Variants in NKAIN1 observed in about 807,000 individuals in gnomAD.
NKAIN1 encodes the protein sodium/potassium transporting ATPase interacting 1, also known as sodium/potassium-transporting ATPase subunit beta-1-interacting protein 1.
Under a neutral mutation model 31.6 loss-of-function variants are expected in NKAIN1, and 13 were observed. The observed-to-expected ratio is 0.41, with a 90% CI of 0.27 to 0.65. NKAIN1 has a LOEUF of 0.65. NKAIN1 is among the 30% of genes least tolerant of loss of function. NKAIN1 has a pLI of 0.30. For missense variants in NKAIN1, 193 were observed against 262.2 expected, an observed-to-expected ratio of 0.74 and a Z score of 1.82; for synonymous variants, 104 against 109.0, an observed-to-expected ratio of 0.95 and a Z score of 0.28.
chr1:31,187,700 C>T (rs956425685), intron 2 of NKAIN1, among the ~76,000 whole-genome samples: 17 of 152,058 alleles, frequency 1.1e-4, no homozygotes, highest in African/African-American at 3.9e-4. Flanking sequence ...TCAGTTTCCT[C>T]ATCTGGAAAA....
chr1:31,230,209 C>G (rs189251756), intron 1 of NKAIN1, among the ~76,000 whole-genome samples: 5 of 152,160 alleles, frequency 3.3e-5, no homozygotes, highest in Admixed American at 6.5e-5. Context: ...GAGTGTACCC[C>G]CTTTGTGAGC....
In NKAIN1 at chr1:31,179,813, AAGGTCCC is replaced by A. The variant is rs1197803649; in HGVS notation, c.*1883_*1889del. 6.6e-6 allele frequency: 1 copy of A among 152,236 alleles called. No individual in the cohort carries two copies. 9.4% of individuals were successfully genotyped at this position (152,236 alleles called of 1,614,324 possible). On this transcript the variant is annotated 3_prime_UTR_variant, in exon 7 of 7. Coordinates refer to ENST00000373736, the MANE Select transcript of NKAIN1 (RefSeq NM_024522.3). ...ACCAGGAGAGCACTCCCCTCCTTGC[AAGGTCCC>A]AGTGAAAAGAGAACCTGGTCCCCTT...
In NKAIN1 at chr1:31,239,364, A is replaced by C; in HGVS notation, c.54+130T>G. 1 of 594,992 alleles carries C rather than the reference A, an allele frequency of 1.7e-6. No homozygotes were observed. The highest frequency in any genetic ancestry group is 3.6e-5 in the South Asian group (1 of 27,834). The allele number at this position is 594,992 out of a possible 1,614,324, so 36.9% of individuals were successfully genotyped here. A position where few individuals can be genotyped will look rare whatever the true frequency, so the allele number is the denominator to read the frequency against. Reference sequence around the variant, plus strand: ...CTCCGCCCGACCGCTCCGAGACTCCAGACCACCCCCCGCCCGGGCACACGC... The same window carrying C: ...CTCCGCCCGACCGCTCCGAGACTCCCGACCACCCCCCGCCCGGGCACACGC... On this transcript the variant is annotated intron_variant, in intron 1 of 6. Transcript: ENST00000373736. The surrounding 1 kb of genome is among the most constrained non-coding windows in gnomAD (Gnocchi z 4.8).
At chr1:31,200,538 G>A (rs1390396542) in intron 1 of NKAIN1, among the ~76,000 whole-genome samples, 6 of 146,686 alleles carry the variant, frequency 4.1e-5, no homozygotes, top group Non-Finnish European at 8.9e-5. Flanking sequence ...GCTCACTGCA[G>A]CCTCAGCCTC....
At chr1:31,182,218 CCGGGCAG>C (rs1466493476) in intron 5 of NKAIN1, among the ~76,000 whole-genome samples, 2 of 152,012 alleles carry the variant, frequency 1.3e-5, no homozygotes, top group Non-Finnish European at 2.9e-5. Flanking sequence ...GCCTGGGAGG[CCGGGCAG>C]TCCTATGGGA....
intron 1 of NKAIN1, among the ~76,000 whole-genome samples, chr1:31,194,968 C>T (rs1462225192): frequency 2.6e-5 from 4 of 151,038 alleles, no homozygotes; most frequent in Non-Finnish European, 5.9e-5. Context: ...GATGGGGTTT[C>T]ACCATGTTAG....
intron 1 of NKAIN1, among the ~76,000 whole-genome samples, chr1:31,220,106 C>T (rs1645551287): frequency 6.8e-6 from 1 of 147,880 alleles, no homozygotes. Flanking sequence ...CTCCCGGGTT[C>T]AAGCAATTCT....
intron 1 of NKAIN1, among the ~76,000 whole-genome samples, chr1:31,206,934 C>T (rs1557656186): frequency 6.6e-6 from 1 of 152,032 alleles, no homozygotes; most frequent in Non-Finnish European, 1.5e-5. Flanking sequence ...GGGGTTTCGC[C>T]GTGTTGGCCA....
At chr1:31,232,811 T>G (rs1465660076) in intron 1 of NKAIN1, among the ~76,000 whole-genome samples, 1 of 152,106 alleles carries the variant, frequency 6.6e-6, no homozygotes, top group Non-Finnish European at 1.5e-5. Flanking sequence ...TCTCAAACCC[T>G]TTCCCCTTGA....
At chr1:31,187,927 G>C in intron 2 of NKAIN1, 123 bp downstream of exon 2, 1 of 1,032,504 alleles carries the variant, frequency 9.7e-7, no homozygotes, top group Non-Finnish European at 1.4e-6. Context: ...ATCTTGTTTT[G>C]GGTGGAGCCA....
At chr1:31,221,414 T>G (rs1007439589) in intron 1 of NKAIN1, among the ~76,000 whole-genome samples, 3 of 152,080 alleles carry the variant, frequency 2.0e-5, no homozygotes, top group South Asian at 2.1e-4. Context: ...AATCAGAAAC[T>G]CTGGGGGTGA....
At chr1:31,200,819 C>T (rs1379096432) in intron 1 of NKAIN1, among the ~76,000 whole-genome samples, 2 of 150,976 alleles carry the variant, frequency 1.3e-5, no homozygotes, top group African/African-American at 4.9e-5. Flanking sequence ...AACATGTATT[C>T]GTCTTATAAA....
At position 31,180,413 on chromosome 1, in the gene NKAIN1, A is replaced by G. The variant is rs1645188509; in HGVS notation, c.*1290T>C. ...GTGTTCTCACCTCTACTTGCCCCCAAGGAAGGGTGAGGGTGCTGGCAATCC... is the reference window on the plus strand; with the variant it reads ...GTGTTCTCACCTCTACTTGCCCCCAGGGAAGGGTGAGGGTGCTGGCAATCC... On this transcript the variant is annotated 3_prime_UTR_variant, in exon 7 of 7. Transcript: ENST00000373736. 1 of 152,218 alleles carries G rather than the reference A, an allele frequency of 6.6e-6. No individual in the cohort carries two copies. Among genetic ancestry groups the G allele is most frequent in the Non-Finnish European group, 1.5e-5 (1 of 68,086 alleles). 9.4% of individuals were successfully genotyped at this position (152,218 alleles called of 1,614,324 possible). A position where few individuals can be genotyped will look rare whatever the true frequency, so the allele number is the denominator to read the frequency against.
chr1:31,236,529 T>C (rs1207674243), intron 1 of NKAIN1, among the ~76,000 whole-genome samples: 1 of 152,110 alleles, frequency 6.6e-6, no homozygotes, highest in Non-Finnish European at 1.5e-5. Flanking sequence ...GGGCACATTA[T>C]GGAAGCTATC....
intron 1 of NKAIN1, among the ~76,000 whole-genome samples, chr1:31,197,545 CTTTT>C (rs754860679): frequency 9.0e-6 from 1 of 111,402 alleles, no homozygotes; most frequent in Middle Eastern, 7.7e-3. Flanking sequence ...CGTGCCCGGC[CTTTT>C]TTTTTTTTTT....
intron 1 of NKAIN1, among the ~76,000 whole-genome samples, chr1:31,209,920 G>A (rs373884505): frequency 7.9e-5 from 12 of 151,284 alleles, no homozygotes; most frequent in African/African-American, 2.4e-4. Context: ...CCAGGAGGTC[G>A]AGGCTGCAGT....
rs1369184964 is a variant in NKAIN1, at chr1:31,199,548, T to G, written c.55-11361A>C. Among the ~76,000 whole-genome samples, 3 of 152,146 alleles carry G rather than the reference T, an allele frequency of 2.0e-5. No homozygotes were observed. In the East Asian group the frequency reaches 5.8e-4, roughly 29 times the overall value. ...AGCTGGAAGGACCCCTGAGATCTGC[T>G]GGCCCAACCCCCTCATTAGGGAGGT... On this transcript the variant is annotated intron_variant, in intron 1 of 6. Transcript: ENST00000373736.
Position 31,187,971 on chromosome 1 carries a change from G to C in NKAIN1, c.192+79C>G. 5 of 1,461,060 alleles carry C rather than the reference G, an allele frequency of 3.4e-6. No homozygotes were observed. In the South Asian group the frequency reaches 5.5e-5, roughly 16 times the overall value. 90.5% of individuals were successfully genotyped at this position (1,461,060 alleles called of 1,614,324 possible). Reference sequence around the variant, plus strand: ...GCCCCAGTGTTGGGGGGCAGTTCTGGTTTTGAGGAGCAGGGAGGGGTGGAG... The same window carrying C: ...GCCCCAGTGTTGGGGGGCAGTTCTGCTTTTGAGGAGCAGGGAGGGGTGGAG... On this transcript the variant is annotated intron_variant, in intron 2 of 6. Coordinates refer to ENST00000373736, the MANE Select transcript of NKAIN1 (RefSeq NM_024522.3).
chr1:31,184,075 C>T, intron 3 of NKAIN1, 61 bp from the exon 4 acceptor site: 1 of 1,460,912 alleles, frequency 6.8e-7, no homozygotes, highest in Non-Finnish European at 9.4e-7. Context: ...AGCTACTCCC[C>T]CAGCCCAGGA....
Sources: gnomAD v4.1 joint callset for allele counts (sites outside exome capture counted in the v4.1 genomes callset) on GRCh38, gnomAD v4.1.1 for gene constraint, Gnocchi (gnomAD v3.1) non-coding constraint, MANE v1.5 for transcripts, NCBI Gene and HGNC (gene_info 2026-07-23, HGNC 2026-07-21) for gene names.